PCDHGA10: variants seen among roughly 807,000 people sequenced by gnomAD.
The protein encoded by PCDHGA10 is protocadherin gamma-A10.
In PCDHGA10, 42 loss-of-function variants were observed where a neutral mutation model predicts 59.5. The ratio of observed to expected loss-of-function variants is 0.71; its 90% CI spans 0.55 to 0.91. The LOEUF is 0.91. PCDHGA10 is among the 40% of genes least tolerant of loss of function. The pLI, the probability that PCDHGA10 is intolerant of heterozygous loss-of-function variation, is 0.00. For synonymous variants in PCDHGA10, 511 were observed against 517.2 expected (o/e 0.99, Z 0.16); for missense variants, 1,111 against 1,198.2 (o/e 0.93, Z 1.07).
At chr5:141,499,908 G>T (rs903753761) in intron 2 of PCDHGA10, among the ~76,000 whole-genome samples, 1 of 151,980 alleles carries the variant, frequency 6.6e-6, no homozygotes, top group African/African-American at 2.4e-5. Flanking sequence ...GGCTGGTCTT[G>T]AACTCCTGGC....
chr5:141,416,452 A>T (rs2154546483), intron 1 of PCDHGA10: 1 of 152,342 alleles, frequency 6.6e-6, no homozygotes, highest in African/African-American at 2.4e-5. Flanking sequence ...ATGGGTTGGG[A>T]AGACAGATAA....
chr5:141,451,978 T>A (rs1329730658), intron 1 of PCDHGA10, among the ~76,000 whole-genome samples: 1 of 152,188 alleles, frequency 6.6e-6, no homozygotes, highest in Non-Finnish European at 1.5e-5. Flanking sequence ...TTTGCTGTAG[T>A]TTGTTCATTA....
At chr5:141,484,931 A>ACGTT (rs1464416110) in intron 1 of PCDHGA10, 2 of 498,000 alleles carry the variant, frequency 4.0e-6, no homozygotes, top group Non-Finnish European at 7.2e-6. Flanking sequence ...TGCTGTTGGG[A>ACGTT]CGTTCTCTGC....
chr5:141,439,131 T>A (rs2098090046), intron 1 of PCDHGA10, among the ~76,000 whole-genome samples: 1 of 150,502 alleles, frequency 6.6e-6, no homozygotes, highest in Non-Finnish European at 1.5e-5. Flanking sequence ...AGACAGAGGT[T>A]GCAGTGAGCT....
At chr5:141,431,000 A>G (rs1272572092) in intron 1 of PCDHGA10, 4 of 1,613,898 alleles carry the variant, frequency 2.5e-6, no homozygotes, top group African/African-American at 1.3e-5. Flanking sequence ...GAATCCGCGC[A>G]GCGGCAGCTT....
At chr5:141,472,786 G>A (rs549389294) in intron 1 of PCDHGA10, among the ~76,000 whole-genome samples, 1 of 151,888 alleles carries the variant, frequency 6.6e-6, no homozygotes, top group Non-Finnish European at 1.5e-5. Flanking sequence ...GGGAGTTCAA[G>A]ATCAGCCTGA....
intron 1 of PCDHGA10, among the ~76,000 whole-genome samples, chr5:141,474,061 T>A (rs2099339173): frequency 1.3e-5 from 2 of 152,058 alleles, no homozygotes; most frequent in Admixed American, 6.6e-5. Flanking sequence ...CAGAGCGAGA[T>A]CCTGCCTCAG....
At position 141,501,290 on chromosome 5, in the gene PCDHGA10, TACACACACACAC is replaced by T. The variant is rs55762287; in HGVS notation, c.2496-4070_2496-4059del. Among the ~76,000 whole-genome samples, 15 of 136,248 alleles carry T rather than the reference TACACACACACAC, an allele frequency of 1.1e-4. No homozygotes were observed. The South Asian group carries it at 1.2e-3, about 11-fold the overall frequency. The allele number at this position is 136,248 out of a possible 152,430, so 89.4% of individuals were successfully genotyped here. A position where few individuals can be genotyped will look rare whatever the true frequency, so the allele number is the denominator to read the frequency against. ...GTCCAGTCTATGGGATATTCCCTTA[TACACACACACAC>T]ACACACACACACACACACACACACA... On this transcript the variant is annotated intron_variant, in intron 2 of 3. Transcript: ENST00000398610.
In PCDHGA10 at chr5:141,413,327, A is replaced by T. The variant is rs200027912; in HGVS notation, c.152A>T (p.Asn51Ile). ...EELEKGSFVG[N>I]ISKDLGLAPR... ...TTAGAGAAAGGCTCTTTCGTGGGCA[A>T]CATCTCCAAGGACTTGGGTCTGGCG... The change falls in exon 1 of 4, where the codon AAC (asparagine) becomes ATC (isoleucine). Residue 51 changes from asparagine to isoleucine, a missense_variant. Asn to Ile is a moderately radical substitution (Grantham distance 149). Transcript: ENST00000398610. The T allele has an allele frequency of 2.6e-4, 421 of 1,613,984 alleles. 1 individual carries two copies. The highest frequency in any genetic ancestry group is 1.1e-3 in the South Asian group (96 of 91,090).
chr5:141,454,644 G>T (rs183290309), intron 1 of PCDHGA10, among the ~76,000 whole-genome samples: 2 of 151,892 alleles, frequency 1.3e-5, no homozygotes, highest in South Asian at 2.1e-4. Flanking sequence ...AACCTCAGGT[G>T]ATCTGCCCAC....
intron 1 of PCDHGA10, chr5:141,427,176 G>A (rs777424789): frequency 2.2e-6 from 1 of 456,742 alleles, no homozygotes; most frequent in Non-Finnish European, 4.4e-6. Context: ...TCAAAATGGG[G>A]AAATTAAATC....
Position 141,415,605 on chromosome 5 carries a change from G to GGT in PCDHGA10, c.2431_2432dup (p.Pro812PhefsTer45). 6.2e-7 allele frequency: 1 copy of GGT among 1,613,122 alleles called. No individual in the cohort carries two copies. ...AGTTTCCTATAGAGGATACCCCATT[G>GGT]GTTCCAGTGAGTTTTATTTTCATTT... On this transcript the variant is annotated frameshift_variant, in exon 1 of 4. Transcript: ENST00000398610. LOFTEE classifies it high-confidence loss of function.
chr5:141,482,546 A>C (rs1489817593), intron 1 of PCDHGA10, among the ~76,000 whole-genome samples: 1 of 151,868 alleles, frequency 6.6e-6, no homozygotes, highest in African/African-American at 2.4e-5. Context: ...AAAAAAAAAA[A>C]AAAGATAATG....
chr5:141,475,955 C>A, intron 1 of PCDHGA10: 1 of 800,218 alleles, frequency 1.2e-6, no homozygotes, highest in Non-Finnish European at 1.9e-6. Flanking sequence ...TTCTGCGCCC[C>A]GGGATGAGGC....
Position 141,487,856 on chromosome 5 carries a change from T to C in PCDHGA10, c.2437-6951T>C. The C allele has an allele frequency of 2.0e-6, 2 of 977,364 alleles. No homozygotes were observed. The highest frequency in any genetic ancestry group is 3.0e-6 in the Non-Finnish European group (2 of 671,858). 60.5% of individuals were successfully genotyped at this position (977,364 alleles called of 1,614,324 possible). A position where few individuals can be genotyped will look rare whatever the true frequency, so the allele number is the denominator to read the frequency against. Reference sequence around the variant, plus strand: ...ATATCTGAGTAAGAAATGAAAGTAATTGGTGATCAAGAGCCAGGCTGTTGT... The same window carrying C: ...ATATCTGAGTAAGAAATGAAAGTAACTGGTGATCAAGAGCCAGGCTGTTGT... On this transcript the variant is annotated intron_variant, in intron 1 of 3. Transcript: ENST00000398610. The surrounding 1 kb of genome is among the most constrained non-coding windows in gnomAD (Gnocchi z 5.0).
chr5:141,423,210 C>A (rs954945082), intron 1 of PCDHGA10: 2 of 1,613,578 alleles, frequency 1.2e-6, no homozygotes, highest in East Asian at 4.5e-5. Flanking sequence ...CCGTCACGCT[C>A]ACCGTGGCTG....
At chr5:141,492,197 TA>T (rs2099738125) in intron 1 of PCDHGA10, among the ~76,000 whole-genome samples, 1 of 152,200 alleles carries the variant, frequency 6.6e-6, no homozygotes, top group African/African-American at 2.4e-5. Flanking sequence ...CTGCGGGACT[TA>T]GGTGTGCGCG....
chr5:141,441,295 A>C (rs952946372), intron 1 of PCDHGA10: 3 of 152,240 alleles, frequency 2.0e-5, no homozygotes, highest in Non-Finnish European at 4.4e-5. Flanking sequence ...CACATGTCTG[A>C]TATAAGAAAA....
In PCDHGA10 at chr5:141,432,021, C is replaced by G. The variant is rs746940912; in HGVS notation, c.2436+16410C>G. 1.9e-5 allele frequency: 30 copies of G among 1,614,076 alleles called. No individual in the cohort carries two copies. The highest frequency in any genetic ancestry group is 2.7e-5 in the African/African-American group (2 of 74,922). Reference sequence around the variant, plus strand: ...GAACAGGTTCCTAGCTACAACATCACAGTGACCGCCACTGACCGGGGAACC... The same window carrying G: ...GAACAGGTTCCTAGCTACAACATCAGAGTGACCGCCACTGACCGGGGAACC... On this transcript the variant is annotated intron_variant, in intron 1 of 3. Transcript: ENST00000398610. The surrounding 1 kb of genome is among the most constrained non-coding windows in gnomAD (Gnocchi z 6.0).
Sources: allele counts gnomAD v4.1 joint callset (sites outside exome capture counted in the v4.1 genomes callset), GRCh38; gene constraint gnomAD v4.1.1; non-coding constraint Gnocchi (gnomAD v3.1); transcripts MANE v1.5; gene names NCBI Gene and HGNC (gene_info 2026-07-23, HGNC 2026-07-21).